BRAF: variants seen among roughly 807,000 people sequenced by gnomAD.
The protein encoded by BRAF is B-Raf proto-oncogene, serine/threonine kinase.
A neutral mutation model predicts 104.6 loss-of-function variants in BRAF; 16 were observed. The ratio of observed to expected loss-of-function variants is 0.15; its 90% confidence interval spans 0.10 to 0.23. The LOEUF (loss-of-function observed/expected upper bound fraction) is 0.23. Among genes scored for constraint, BRAF ranks in the 10% least tolerant of loss-of-function variants. The probability of loss-of-function intolerance (pLI) is 1.00; values close to 1 mark genes in which losing one functional copy is unlikely to be tolerated. For missense variants in BRAF, 541 were observed against 937.3 expected, an observed-to-expected ratio of 0.58 and a Z score of 5.52; for synonymous variants, 310 against 341.6, an observed-to-expected ratio of 0.91 and a Z score of 1.02.
intron 14 of BRAF, among the ~76,000 whole-genome samples, chr7:140,757,690 T>C (rs1798323284): frequency 6.6e-6 from 1 of 152,218 alleles, no homozygotes; most frequent in Non-Finnish European, 1.5e-5. Flanking sequence ...TTTTCTTTAA[T>C]AAAACATAGG....
At chr7:140,785,501 C>T (rs1801263612) in intron 10 of BRAF, among the ~76,000 whole-genome samples, 1 of 152,172 alleles carries the variant, frequency 6.6e-6, no homozygotes, top group African/African-American at 2.4e-5. Context: ...AGACAGCATA[C>T]AGAAAGCTTG....
At chr7:140,792,642 AC>A (rs1391332771) in intron 8 of BRAF, among the ~76,000 whole-genome samples, 7 of 152,192 alleles carry the variant, frequency 4.6e-5, no homozygotes, top group African/African-American at 1.4e-4. Context: ...GGAGTTTATT[AC>A]CCCCTTCTCT....
chr7:140,713,535 ACTT>A, the BRAF span, among the ~76,000 whole-genome samples: 2 of 151,892 alleles, frequency 1.3e-5, no homozygotes, highest in African/African-American at 4.8e-5. Flanking sequence ...AAAGCTTTTA[ACTT>A]CTTTGCCATT....
rs142186028 is a variant in BRAF at position 140,909,809 on chromosome 7, AAACAACAAC to A, written c.138+14748_138+14756del. Among the ~76,000 whole-genome samples the A allele has an allele frequency of 6.1e-3, 906 of 148,776 alleles. 14 individuals carry two copies. The highest frequency in any genetic ancestry group is 0.021 in the African/African-American group (817 of 39,168). The stretch of plus-strand genomic sequence containing the variant: ...GCAACAAGAGCGAAACTCCGTCTCA[AAACAACAAC>A]AACAACAACAACAACAACAACAACA... On this transcript the variant is annotated intron_variant, in intron 1 of 19. Transcript: ENST00000644969.
chr7:140,846,677 G>C (rs567786747), intron 2 of BRAF, among the ~76,000 whole-genome samples: 1 of 151,846 alleles, frequency 6.6e-6, no homozygotes, highest in African/African-American at 2.4e-5. Flanking sequence ...GGTAAATTTT[G>C]TTAGGCATAT....
At chr7:140,808,217 T>C in intron 4 of BRAF, 155 bp from the exon 5 acceptor site, 2 of 689,268 alleles carry the variant, frequency 2.9e-6, no homozygotes, top group African/African-American at 3.5e-5. Context: ...TAAATGGCAA[T>C]AAATTAATTT....
intron 3 of BRAF, among the ~76,000 whole-genome samples, chr7:140,810,311 G>A (rs1183688138): frequency 6.6e-6 from 1 of 152,164 alleles, no homozygotes; most frequent in Non-Finnish European, 1.5e-5. Context: ...GCTAACACCT[G>A]TAATCCCAAC....
intron 17 of BRAF, among the ~76,000 whole-genome samples, chr7:140,746,404 T>C (rs1797351796): frequency 6.6e-6 from 1 of 152,172 alleles, no homozygotes; most frequent in African/African-American, 2.4e-5. Flanking sequence ...TCCCAGACTT[T>C]AGTGCTAGGG....
chr7:140,750,296 C>A lies in BRAF; in HGVS notation c.1981-878G>T, dbSNP rs551598896. 2.2e-4 allele frequency among the ~76,000 whole-genome samples: 34 copies of A among 152,246 alleles called. 1 individual carries two copies. The Middle Eastern group carries it at 0.01, about 46-fold the overall frequency. On this transcript the variant is annotated intron_variant, in intron 16 of 19. Transcript: ENST00000644969. Reference sequence around the variant, plus strand: ...AGTGGTACTAACTCTGCAAAAATGACTGAAAGACCTGGGACAAGATTCCTG... The same window carrying A: ...AGTGGTACTAACTCTGCAAAAATGAATGAAAGACCTGGGACAAGATTCCTG...
At chr7:140,802,221 AT>A (rs1429048949) in intron 5 of BRAF, among the ~76,000 whole-genome samples, 1 of 151,866 alleles carries the variant, frequency 6.6e-6, no homozygotes, top group Non-Finnish European at 1.5e-5. Flanking sequence ...GAGTTGAATA[AT>A]TCCTATTGCC....
At chr7:140,913,469 C>CTTTTTTTTTTTTTT (rs369746551) in intron 1 of BRAF, among the ~76,000 whole-genome samples, 1 of 56,998 alleles carries the variant, frequency 1.8e-5, no homozygotes, top group African/African-American at 7.5e-5. Context: ...TTAATCACAG[C>CTTTTTTTTTTTTTT]TTTTTTTTTT....
chr7:140,913,652 T>C lies in BRAF; in HGVS notation c.138+10914A>G, dbSNP rs142822258. 3.8e-4 allele frequency among the ~76,000 whole-genome samples: 58 copies of C among 151,958 alleles called. No homozygotes were observed. The East Asian group carries it at 0.011, about 28-fold the overall frequency. On this transcript the variant is annotated intron_variant, in intron 1 of 19. Coordinates refer to ENST00000644969, the MANE Select transcript of BRAF (RefSeq NM_001374258.1). ...CACATGCCACCAGGCCCAGCTAATT[T>C]TTTGTATATTTAGTAGAGACGGGGT... is the stretch of plus-strand genomic sequence containing the variant.
Position 140,821,875 on chromosome 7 carries a change from C to G in BRAF, c.504+12734G>C, listed in dbSNP as rs538223720. On this transcript the variant is annotated intron_variant, in intron 3 of 19. Transcript: ENST00000644969. ...AATGAAATCATGTCCTTTGCAGCAA[C>G]CTGGATGCAGCTGGAAGCCATTATC... Among the ~76,000 whole-genome samples, 5 of 152,204 alleles carry G rather than the reference C, an allele frequency of 3.3e-5. No individual in the cohort carries two copies. The South Asian group carries it at 1.0e-3, about 32-fold the overall frequency.
At chr7:140,921,751 G>T (rs1818249110) in intron 1 of BRAF, among the ~76,000 whole-genome samples, 1 of 150,164 alleles carries the variant, frequency 6.7e-6, no homozygotes, top group African/African-American at 2.4e-5. Flanking sequence ...CTTTCCCTTT[G>T]AAATCAGACT....
Position 140,724,564 on chromosome 7 carries a change from T to C in BRAF, c.*1930A>G, listed in dbSNP as rs1439631639. 12 of 1,041,614 alleles carry C rather than the reference T, an allele frequency of 1.2e-5. No individual in the cohort carries two copies. The highest frequency in any genetic ancestry group is 1.3e-5 in the Non-Finnish European group (11 of 864,296). 64.5% of individuals were successfully genotyped at this position (1,041,614 alleles called of 1,614,324 possible). ...TTAATAACTTAAGGATCTTTTCCAT[T>C]TTACTAGGACAACCTTTTACAAGAC... On this transcript the variant is annotated 3_prime_UTR_variant, in exon 20 of 20. Transcript: ENST00000644969.
At chr7:140,923,301 T>C (rs937807731) in intron 1 of BRAF, among the ~76,000 whole-genome samples, 17 of 152,200 alleles carry the variant, frequency 1.1e-4, no homozygotes, top group African/African-American at 4.1e-4. Context: ...GTAAGTCACA[T>C]TACCTAATCA....
In BRAF at chr7:140,800,133, A is replaced by C; in HGVS notation, c.980+229T>G. ...GTCACTGAAGAGCAGAAGTCAAATC[A>C]TACCCAATATTGATTTTTTCAGGAC... On this transcript the variant is annotated intron_variant, in intron 7 of 19. Coordinates refer to ENST00000644969, the MANE Select transcript of BRAF (RefSeq NM_001374258.1). The C allele has an allele frequency of 1.6e-5, 10 of 616,836 alleles. No homozygotes were observed. The South Asian group carries it at 2.0e-4, about 12-fold the overall frequency. The allele number at this position is 616,836 out of a possible 1,614,324, so 38.2% of individuals were successfully genotyped here. A position where few individuals can be genotyped will look rare whatever the true frequency, so the allele number is the denominator to read the frequency against.
chr7:140,853,146 C>A (rs555007965), intron 1 of BRAF, among the ~76,000 whole-genome samples: 20 of 151,734 alleles, frequency 1.3e-4, no homozygotes, highest in African/African-American at 4.6e-4. Context: ...TGGTGGCTCA[C>A]GCCTGTAATC....
chr7:140,750,597 G>A (rs186665103), intron 16 of BRAF, among the ~76,000 whole-genome samples: 21 of 152,318 alleles, frequency 1.4e-4, no homozygotes, highest in African/African-American at 5.1e-4. Context: ...TGGAAGTGAA[G>A]GAGAAGGTTG....
Sources: gnomAD v4.1 joint callset for allele counts (sites outside exome capture counted in the v4.1 genomes callset) on GRCh38, gnomAD v4.1.1 for gene constraint, MANE v1.5 for transcripts, NCBI Gene and HGNC (gene_info 2026-07-23, HGNC 2026-07-21) for gene names.